Variants in LCA5 observed in about 807,000 individuals in gnomAD.
LCA5 encodes lebercilin.
LCA5 carries 37 observed loss-of-function variants against 53.0 expected under a neutral mutation model. The ratio of observed to expected loss-of-function variants is 0.70; its 90% CI spans 0.54 to 0.92. The LOEUF (loss-of-function observed/expected upper bound fraction) is 0.92, where lower values mean the gene tolerates loss of function less well. Ranked by LOEUF, LCA5 falls within the 40% of genes least tolerant of loss-of-function variation. LCA5 has a pLI of 0.00. For missense variants in LCA5, 806 were observed against 790.5 expected (o/e 1.02, Z -0.23); for synonymous variants, 303 against 282.9 (o/e 1.07, Z -0.71).
At chr6:79,505,838 G>A (rs1010367763) in intron 3 of LCA5, among the ~76,000 whole-genome samples, 1 of 152,072 alleles carries the variant, frequency 6.6e-6, no homozygotes, top group African/African-American at 2.4e-5. Context: ...ATCCTACCTG[G>A]CCCAATACTA....
chr6:79,500,579 A>G (rs1770111524), intron 3 of LCA5, among the ~76,000 whole-genome samples: 1 of 152,188 alleles, frequency 6.6e-6, no homozygotes, highest in East Asian at 1.9e-4. Flanking sequence ...TCCACCTTAC[A>G]GTAATACTTT....
At chr6:79,522,415 A>C (rs1766650660) in intron 1 of LCA5, among the ~76,000 whole-genome samples, 1 of 152,058 alleles carries the variant, frequency 6.6e-6, no homozygotes, top group South Asian at 2.1e-4. Flanking sequence ...ATCTGAATCT[A>C]CTGAAGCCTG....
chr6:79,506,329 A>G lies in LCA5; in HGVS notation c.720+6883T>C, dbSNP rs541823415. On this transcript the variant is annotated intron_variant, in intron 3 of 7. Coordinates refer to ENST00000369846, the MANE Select transcript of LCA5 (RefSeq NM_001122769.3). ...TAAGGTCCTTTTAATAATAATGTAC[A>G]TAATATCACATTTATGATCTTTTCA... 6.6e-5 allele frequency among the ~76,000 whole-genome samples: 10 copies of G among 152,328 alleles called. No individual in the cohort carries two copies. The South Asian group carries it at 2.1e-3, about 32-fold the overall frequency.
At chr6:79,525,895 T>C (rs536056651) in intron 1 of LCA5, among the ~76,000 whole-genome samples, 80 of 152,292 alleles carry the variant, frequency 5.3e-4, no homozygotes, top group African/African-American at 1.9e-3. Flanking sequence ...AGTAAACCTT[T>C]AATAAAAGAA....
chr6:79,508,153 T>G (rs922336548), intron 3 of LCA5, among the ~76,000 whole-genome samples: 1 of 152,144 alleles, frequency 6.6e-6, no homozygotes, highest in African/African-American at 2.4e-5. Context: ...TCAGGAAGTT[T>G]AATCCCATCA....
chr6:79,524,692 T>C (rs1766728968), intron 1 of LCA5, among the ~76,000 whole-genome samples: 2 of 152,142 alleles, frequency 1.3e-5, no homozygotes, highest in African/African-American at 4.8e-5. Flanking sequence ...CAGATTCTCA[T>C]TCCTTTATAG....
chr6:79,525,000 T>C (rs1046952113), intron 1 of LCA5, among the ~76,000 whole-genome samples: 9 of 152,134 alleles, frequency 5.9e-5, no homozygotes, highest in East Asian at 5.8e-4. Context: ...TTCTAAACCA[T>C]CATTTAAAAA....
At chr6:79,488,808 C>T in intron 7 of LCA5, 1 of 517,060 alleles carries the variant, frequency 1.9e-6, no homozygotes, top group Admixed American at 3.7e-5. Context: ...TAAGTGGCAT[C>T]TGAATTCTAC....
chr6:79,522,815 G>C lies in LCA5; in HGVS notation c.-191-3730C>G, dbSNP rs113802440. On this transcript the variant is annotated intron_variant, in intron 1 of 7. Coordinates refer to ENST00000369846, the MANE Select transcript of LCA5 (RefSeq NM_001122769.3). ...AATCCTCCCACCTCCTGAGTAGCCA[G>C]AACTACAGGCATGCGCCACCACGCC... Among the ~76,000 whole-genome samples the C allele has an allele frequency of 3.7e-3, 558 of 151,958 alleles. 7 individuals carry two copies. The highest frequency in any genetic ancestry group is 0.013 in the African/African-American group (533 of 41,426).
intron 1 of LCA5, among the ~76,000 whole-genome samples, chr6:79,529,623 T>C (rs1217865346): frequency 6.6e-6 from 1 of 152,086 alleles, no homozygotes; most frequent in African/African-American, 2.4e-5. Context: ...CCGCAGAATA[T>C]AAATCATGCT....
At chr6:79,510,349 A>G (rs1217893158) in intron 3 of LCA5, among the ~76,000 whole-genome samples, 3 of 152,220 alleles carry the variant, frequency 2.0e-5, no homozygotes, top group Non-Finnish European at 4.4e-5. Context: ...CTATACAAAA[A>G]TTAACTCAAA....
rs1343477048 is a variant in LCA5, at chr6:79,513,333, T to G, written c.599A>C (p.Lys200Thr). 1 of 1,613,914 alleles carries G rather than the reference T, an allele frequency of 6.2e-7. No homozygotes were observed. The highest frequency in any genetic ancestry group is 8.5e-7 in the Non-Finnish European group (1 of 1,179,904). ...CTCTTTCAGTTTCTGTAAGGAAAAT[T>G]TTGTCCTAAATAGTTCACTTTCTGT... ...KDTESELFRT[K>T]FSLQKLKEIS... Residue 200 changes from lysine (K) to threonine (T), a missense_variant, in exon 3 of 8, where the codon AAA becomes ACA. Physicochemically the swap from Lys to Thr is moderately conservative, Grantham distance 78. Coordinates refer to ENST00000369846, the MANE Select transcript of LCA5 (RefSeq NM_001122769.3).
intron 2 of LCA5, 50 bp from the exon 3 acceptor site, chr6:79,513,791 T>C: frequency 1.3e-6 from 2 of 1,563,466 alleles, no homozygotes; most frequent in Non-Finnish European, 8.8e-7. Flanking sequence ...CCAAACACAG[T>C]GTTATTTGTT....
At chr6:79,526,200 T>C (rs1001316960) in intron 1 of LCA5, among the ~76,000 whole-genome samples, 4 of 152,132 alleles carry the variant, frequency 2.6e-5, no homozygotes, top group Non-Finnish European at 5.9e-5. Context: ...GGTGGAAGCC[T>C]TTCCCCTTCC....
Position 79,487,541 on chromosome 6 carries a change from A to G in LCA5, c.1557T>C (p.Phe519=). ...YRFSESSERL[F]NGHHLQDISF... ...TGATGTCTTGCAAATGATGCCCATT[A>G]AATAATCTCTCTGAGGATTCAGAGA... The change falls in exon 8 of 8, where the codon TTT becomes TTC. Residue 519 remains phenylalanine, a synonymous_variant. Coordinates refer to ENST00000369846, the MANE Select transcript of LCA5 (RefSeq NM_001122769.3). The G allele has an allele frequency of 6.2e-7, 1 of 1,614,010 alleles. No individual in the cohort carries two copies. The highest frequency in any genetic ancestry group is 1.1e-5 in the South Asian group (1 of 91,074).
rs1158281171 is a variant in LCA5 at position 79,491,726 on chromosome 6, T to C, written c.960A>G (p.Ala320=). The change falls in exon 6 of 8, where the codon GCA becomes GCG. Residue 320 remains alanine (A), a synonymous_variant. Coordinates refer to ENST00000369846, the MANE Select transcript of LCA5 (RefSeq NM_001122769.3). The part of the protein sequence containing the change: ...EKELALRKNA[A]CQSDFADLCT... ...ACAGGTCTGCAAAATCACTCTGGCA[T>C]GCAGCTACAGTGAAAATTATTTTTA... 2.3e-5 allele frequency: 37 copies of C among 1,612,358 alleles called. No homozygotes were observed. The highest frequency in any genetic ancestry group is 6.7e-5 in the Admixed American group (4 of 59,974).
At chr6:79,532,748 C>A (rs1428106264) in intron 1 of LCA5, among the ~76,000 whole-genome samples, 1 of 152,124 alleles carries the variant, frequency 6.6e-6, no homozygotes, top group Non-Finnish European at 1.5e-5. Context: ...ATTTTCTTCA[C>A]AGACCTTGTT....
intron 3 of LCA5, among the ~76,000 whole-genome samples, chr6:79,511,973 T>C (rs2127678956): frequency 6.6e-6 from 1 of 152,256 alleles, no homozygotes; most frequent in South Asian, 2.1e-4. Context: ...CAGTGTATAG[T>C]TGTATATGTG....
rs1450477688 is a variant in LCA5, at chr6:79,485,058, AC to A, written c.*1945del. On this transcript the variant is annotated 3_prime_UTR_variant, in exon 8 of 8. Transcript: ENST00000369846. ...AATTTAATGACATTTAGAAAAAAAA[AC>A]AATTTACCCTGTAAGGTTTGTTCAT... 2.0e-5 allele frequency: 3 copies of A among 152,628 alleles called. No individual in the cohort carries two copies. The highest frequency in any genetic ancestry group is 3.9e-4 in the East Asian group (2 of 5,172). The allele number at this position is 152,628 out of a possible 1,614,324, so 9.5% of individuals were successfully genotyped here. A position where few individuals can be genotyped will look rare whatever the true frequency, so the allele number is the denominator to read the frequency against.
Sources: allele counts gnomAD v4.1 joint callset (sites outside exome capture counted in the v4.1 genomes callset), GRCh38; gene constraint gnomAD v4.1.1; transcripts MANE v1.5; gene names NCBI Gene and HGNC (gene_info 2026-07-23, HGNC 2026-07-21).